LYPD6B: variants seen among roughly 807,000 people sequenced by gnomAD.
LYPD6B encodes the protein ly6/PLAUR domain-containing protein 6B.
LYPD6B carries 17 observed loss-of-function variants against 22.8 expected under a neutral mutation model. That is an observed-to-expected ratio of 0.75 (90% CI 0.51 to 1.12). The LOEUF (loss-of-function observed/expected upper bound fraction) is 1.12. Among genes scored for constraint, LYPD6B ranks in the 50% most tolerant of loss-of-function variants. LYPD6B has a pLI of 0.00. For missense variants in LYPD6B, 221 were observed against 258.3 expected (o/e 0.86, Z 0.99); for synonymous variants, 106 against 91.6 (o/e 1.16, Z -0.90).
At position 149,147,831 on chromosome 2, in the gene LYPD6B, G is replaced by A. The variant is rs140591952; in HGVS notation, c.6-12933G>A. On this transcript the variant is annotated intron_variant, in intron 2 of 6. Transcript: ENST00000409642. ...GCCCAGCCTTGTGTGATGCTTTGGT[G>A]TGACTATAAGAAGCTTCAAGATTGA... is the stretch of plus-strand genomic sequence containing the variant. Among the ~76,000 whole-genome samples, 35 of 151,996 alleles carry A rather than the reference G, an allele frequency of 2.3e-4. No homozygotes were observed. In the East Asian group the frequency reaches 6.6e-3, roughly 28 times the overall value.
intron 1 of LYPD6B, among the ~76,000 whole-genome samples, chr2:149,086,499 C>G (rs1685397959): frequency 6.6e-6 from 1 of 152,190 alleles, no homozygotes; most frequent in South Asian, 2.1e-4. Flanking sequence ...GTGCTACTCT[C>G]TCCTTCCTTT....
chr2:149,054,877 TAAA>T (rs33998512), intron 1 of LYPD6B, among the ~76,000 whole-genome samples: 1 of 146,762 alleles, frequency 6.8e-6, no homozygotes, highest in Non-Finnish European at 1.5e-5. Flanking sequence ...ATACCCTATT[TAAA>T]AAAAAAAAAA....
At chr2:149,068,386 C>T (rs1684440096) in intron 1 of LYPD6B, among the ~76,000 whole-genome samples, 1 of 152,128 alleles carries the variant, frequency 6.6e-6, no homozygotes, top group African/African-American at 2.4e-5. Context: ...AGTTCAGAAA[C>T]TAAAGTAGCA....
intron 3 of LYPD6B, among the ~76,000 whole-genome samples, chr2:149,181,143 A>G (rs933973405): frequency 6.6e-6 from 1 of 152,038 alleles, no homozygotes; most frequent in African/African-American, 2.4e-5. Context: ...ATTCCCCTTC[A>G]TCTGTTGGAA....
At position 149,153,054 on chromosome 2, in the gene LYPD6B, T is replaced by C. The variant is rs544327788; in HGVS notation, c.6-7710T>C. Among the ~76,000 whole-genome samples, 4 of 152,304 alleles carry C rather than the reference T, an allele frequency of 2.6e-5. No homozygotes were observed. The South Asian group carries it at 8.3e-4, about 32-fold the overall frequency. On this transcript the variant is annotated intron_variant, in intron 2 of 6. Transcript: ENST00000409642. ...ACAAGACTCCCTAATCTGTCAAGCA[T>C]GCTGTTAAATTTTAAAAGGAGGAAT...
At chr2:149,115,391 T>C (rs1325297041) in intron 1 of LYPD6B, among the ~76,000 whole-genome samples, 4 of 152,216 alleles carry the variant, frequency 2.6e-5, no homozygotes, top group Non-Finnish European at 5.9e-5. Flanking sequence ...AGATGTCAGA[T>C]CCTTTGAAAA....
At chr2:149,154,222 G>T (rs1204852618) in intron 2 of LYPD6B, among the ~76,000 whole-genome samples, 1 of 148,546 alleles carries the variant, frequency 6.7e-6, no homozygotes, top group African/African-American at 2.5e-5. Flanking sequence ...GTGGACTCTA[G>T]GTCCAATGAC....
chr2:149,092,753 C>A (rs1685716046), intron 1 of LYPD6B, among the ~76,000 whole-genome samples: 1 of 152,152 alleles, frequency 6.6e-6, no homozygotes, highest in Non-Finnish European at 1.5e-5. Flanking sequence ...AAGTGACAGC[C>A]TTCTTGTACC....
At chr2:149,084,691 A>G (rs1057489190) in intron 1 of LYPD6B, among the ~76,000 whole-genome samples, 1 of 152,210 alleles carries the variant, frequency 6.6e-6, no homozygotes, top group African/African-American at 2.4e-5. Flanking sequence ...ACATGAGTTC[A>G]TTCATATTTT....
intron 1 of LYPD6B, among the ~76,000 whole-genome samples, chr2:149,081,549 A>G (rs1685135474): frequency 6.6e-6 from 1 of 152,140 alleles, no homozygotes; most frequent in Non-Finnish European, 1.5e-5. Context: ...TTACAACCCC[A>G]TTGCCTGTAG....
At chr2:149,159,589 C>T (rs866812110) in intron 2 of LYPD6B, among the ~76,000 whole-genome samples, 15 of 145,906 alleles carry the variant, frequency 1.0e-4, no homozygotes, top group Middle Eastern at 6.9e-3. Flanking sequence ...CATATGTGTG[C>T]GTGTGTGTGT....
intron 1 of LYPD6B, chr2:149,101,650 C>T (rs1218460653): frequency 1.3e-5 from 2 of 152,434 alleles, no homozygotes; most frequent in East Asian, 3.9e-4. Context: ...TCTCTCCAAA[C>T]CTTGAACACA....
At chr2:149,040,457 C>T (rs955685943) in intron 1 of LYPD6B, among the ~76,000 whole-genome samples, 36 of 152,224 alleles carry the variant, frequency 2.4e-4, no homozygotes, top group African/African-American at 8.4e-4. Flanking sequence ...AACTCCTAAC[C>T]TCAAGTGATC....
intron 1 of LYPD6B, among the ~76,000 whole-genome samples, chr2:149,068,376 A>C (rs1321910536): frequency 6.6e-6 from 1 of 152,198 alleles, no homozygotes; most frequent in African/African-American, 2.4e-5. Context: ...AGAGGAACAC[A>C]GTTCAGAAAC....
chr2:149,107,835 T>G (rs1391978033), intron 1 of LYPD6B, among the ~76,000 whole-genome samples: 3 of 152,212 alleles, frequency 2.0e-5, no homozygotes, highest in Admixed American at 2.0e-4. Flanking sequence ...TAATGTGTAT[T>G]CTGCTTTGAA....
chr2:149,046,461 TTCTA>T (rs971152193), intron 1 of LYPD6B, among the ~76,000 whole-genome samples: 3 of 152,020 alleles, frequency 2.0e-5, no homozygotes, highest in African/African-American at 7.2e-5. Flanking sequence ...TTTCTATTTG[TTCTA>T]TCTGTTCTTT....
intron 2 of LYPD6B, among the ~76,000 whole-genome samples, chr2:149,145,847 A>G (rs2105796420): frequency 6.6e-6 from 1 of 152,292 alleles, no homozygotes; most frequent in African/African-American, 2.4e-5. Flanking sequence ...TGCTTTAAGG[A>G]ATCTGGGAAG....
At chr2:149,212,875 C>T in intron 5 of LYPD6B, 117 bp from the exon 6 acceptor site, 1 of 1,028,128 alleles carries the variant, frequency 9.7e-7, no homozygotes, top group Middle Eastern at 2.2e-4. Context: ...CCTAAAAACC[C>T]CAGGACTGGC....
intron 3 of LYPD6B, among the ~76,000 whole-genome samples, chr2:149,168,183 G>T (rs576715445): frequency 7.4e-6 from 1 of 134,820 alleles, no homozygotes; most frequent in African/African-American, 2.9e-5. Flanking sequence ...CTGCACTGTA[G>T]CCTGGGCAAC....
Sources: allele counts gnomAD v4.1 joint callset (sites outside exome capture counted in the v4.1 genomes callset), GRCh38; gene constraint gnomAD v4.1.1; transcripts MANE v1.5; gene names NCBI Gene and HGNC (gene_info 2026-07-23, HGNC 2026-07-21).